THSD4: variants seen among roughly 807,000 people sequenced by gnomAD.
THSD4 encodes the protein thrombospondin type-1 domain-containing protein 4.
In THSD4, 69 loss-of-function variants were observed where a neutral mutation model predicts 119.0. The observed-to-expected ratio is 0.58, with a 90% confidence interval of 0.48 to 0.71. The LOEUF is 0.71. Ranked by LOEUF, THSD4 falls within the 30% of genes least tolerant of loss-of-function variation. The probability of loss-of-function intolerance (pLI) is 0.00; values close to 1 mark genes in which losing one functional copy is unlikely to be tolerated. For missense variants in THSD4, 1,393 were observed against 1,391.1 expected (o/e 1.00, Z -0.02); for synonymous variants, 524 against 540.4 (o/e 0.97, Z 0.42).
chr15:71,386,866 T>C (rs912668535), intron 6 of THSD4, among the ~76,000 whole-genome samples: 9 of 152,240 alleles, frequency 5.9e-5, no homozygotes, highest in African/African-American at 1.9e-4. Context: ...TTTCCTTGTT[T>C]TAGAAGAATT....
chr15:71,440,944 GT>G (rs1334696964), intron 7 of THSD4, among the ~76,000 whole-genome samples: 1 of 152,046 alleles, frequency 6.6e-6, no homozygotes, highest in Non-Finnish European at 1.5e-5. Context: ...TTCTGAATCT[GT>G]TTTTTTGTTG....
chr15:71,379,544 C>T (rs1445534752), intron 6 of THSD4, among the ~76,000 whole-genome samples: 14 of 147,734 alleles, frequency 9.5e-5, no homozygotes, highest in Admixed American at 6.8e-4. Context: ...CTGCAAGCTC[C>T]GCCTCCAGGG....
At chr15:71,501,963 A>G (rs1412895604) in intron 7 of THSD4, among the ~76,000 whole-genome samples, 2 of 152,212 alleles carry the variant, frequency 1.3e-5, no homozygotes, top group Admixed American at 6.5e-5. Context: ...CTATTTAACT[A>G]TGTTTAAGAT....
intron 6 of THSD4, among the ~76,000 whole-genome samples, chr15:71,390,813 G>A (rs777376944): frequency 1.3e-4 from 20 of 149,526 alleles, no homozygotes; most frequent in Non-Finnish European, 2.4e-4. Flanking sequence ...CTTTTTCCGG[G>A]CTCCTCAATT....
At chr15:71,725,821 T>C (rs986893481) in intron 8 of THSD4, among the ~76,000 whole-genome samples, 1 of 152,010 alleles carries the variant, frequency 6.6e-6, no homozygotes, top group Non-Finnish European at 1.5e-5. Context: ...CTTTTTTTTT[T>C]CTGAGACTGG....
chr15:71,741,214 G>T (rs1419719470), intron 11 of THSD4, among the ~76,000 whole-genome samples: 2 of 152,084 alleles, frequency 1.3e-5, no homozygotes, highest in African/African-American at 2.4e-5. Context: ...TAAGCGGCCG[G>T]GCATGGTGGC....
chr15:71,373,750 A>C (rs1417906972), intron 6 of THSD4, among the ~76,000 whole-genome samples: 1 of 152,118 alleles, frequency 6.6e-6, no homozygotes, highest in Admixed American at 6.5e-5. Flanking sequence ...CTGCTTCCAA[A>C]ATCTGTGACT....
chr15:71,547,174 C>A, intron 7 of THSD4: 1 of 1,314,642 alleles, frequency 7.6e-7, no homozygotes, highest in Non-Finnish European at 9.7e-7. Context: ...CAGCTGGCTC[C>A]TGTCCCCTCC....
rs62016846 is a variant in THSD4, at chr15:71,199,783, G to T, written c.100-15252G>T. 3.3e-4 allele frequency among the ~76,000 whole-genome samples: 32 copies of T among 98,038 alleles called. 1 individual carries two copies. The highest frequency in any genetic ancestry group is 1.2e-3 in the African/African-American group (28 of 23,772). 64.3% of individuals were successfully genotyped at this position (98,038 alleles called of 152,430 possible). A position where few individuals can be genotyped will look rare whatever the true frequency, so the allele number is the denominator to read the frequency against. On this transcript the variant is annotated intron_variant, in intron 3 of 17. Coordinates refer to ENST00000261862, the MANE Select transcript of THSD4 (RefSeq NM_024817.3). ...ATGTGTGTGGTGTGTGTGGTGTGTG[G>T]GTGTGTGCTGTGTGTGTGCTGTGTG...
At chr15:71,573,489 T>C (rs181676601) in intron 7 of THSD4, among the ~76,000 whole-genome samples, 57 of 152,370 alleles carry the variant, frequency 3.7e-4, no homozygotes, top group African/African-American at 1.3e-3. Flanking sequence ...GGAATGTTTC[T>C]AGACCTTTCA....
intron 6 of THSD4, among the ~76,000 whole-genome samples, chr15:71,356,298 C>T (rs910092798): frequency 1.3e-5 from 2 of 152,224 alleles, no homozygotes; most frequent in Non-Finnish European, 2.9e-5. Context: ...CTTCCAGGAG[C>T]ACCTAGCCTG....
At chr15:71,195,583 G>T (rs958215797) in intron 3 of THSD4, among the ~76,000 whole-genome samples, 4 of 152,158 alleles carry the variant, frequency 2.6e-5, no homozygotes, top group Admixed American at 6.5e-5. Flanking sequence ...AAAAAGGCAG[G>T]TTGAGTCCAT....
chr15:71,474,798 GTTGC>G, intron 7 of THSD4, among the ~76,000 whole-genome samples: 1 of 152,254 alleles, frequency 6.6e-6, no homozygotes, highest in East Asian at 1.9e-4. Flanking sequence ...GACATCTTAG[GTTGC>G]TTTCTCTACT....
chr15:71,261,462 C>T (rs2044398370), intron 6 of THSD4, among the ~76,000 whole-genome samples: 1 of 152,138 alleles, frequency 6.6e-6, no homozygotes, highest in Non-Finnish European at 1.5e-5. Context: ...AACAGGACGC[C>T]AACCAGTTTG....
intron 14 of THSD4, among the ~76,000 whole-genome samples, chr15:71,749,677 A>G (rs996836223): frequency 1.1e-5 from 1 of 95,152 alleles, no homozygotes; most frequent in Non-Finnish European, 2.4e-5. Context: ...CTTTTTTTTA[A>G]TATTTTTATA....
chr15:71,345,191 G>A (rs1234089006), intron 6 of THSD4, among the ~76,000 whole-genome samples: 3 of 149,862 alleles, frequency 2.0e-5, no homozygotes, highest in African/African-American at 7.4e-5. Context: ...CAGTATGCAA[G>A]TGGCGGGGGG....
At chr15:71,172,700 T>TATATATATGTGAC (rs1555452562) in intron 3 of THSD4, among the ~76,000 whole-genome samples, 1 of 98,762 alleles carries the variant, frequency 1.0e-5, no homozygotes, top group African/African-American at 5.5e-5. Flanking sequence ...TATATATATA[T>TATATATATGTGAC]ATATATATAT....
chr15:71,614,019 C>T (rs956615319), intron 7 of THSD4, among the ~76,000 whole-genome samples: 1 of 152,212 alleles, frequency 6.6e-6, no homozygotes, highest in African/African-American at 2.4e-5. Flanking sequence ...TGGAAGCCAT[C>T]TCCAGACAGC....
intron 7 of THSD4, among the ~76,000 whole-genome samples, chr15:71,588,421 ATTT>A (rs1208970590): frequency 1.8e-3 from 273 of 150,858 alleles, no homozygotes; most frequent in African/African-American, 6.2e-3. Flanking sequence ...ATTTTTTTTA[ATTT>A]ATTTATTTAT....
Sources: gnomAD v4.1 joint callset for allele counts (sites outside exome capture counted in the v4.1 genomes callset) on GRCh38, gnomAD v4.1.1 for gene constraint, MANE v1.5 for transcripts, NCBI Gene and HGNC (gene_info 2026-07-23, HGNC 2026-07-21) for gene names.